USP25: variants seen among roughly 807,000 people sequenced by gnomAD.
USP25 encodes ubiquitin specific peptidase 25.
USP25 carries 85 observed loss-of-function variants against 158.5 expected under a neutral mutation model. The ratio of observed to expected loss-of-function variants is 0.54; its 90% CI spans 0.45 to 0.64. The LOEUF (loss-of-function observed/expected upper bound fraction) is 0.64. Among genes scored for constraint, USP25 ranks in the 30% least tolerant of loss-of-function variants. The pLI is 0.00. For missense variants in USP25, 1,242 were observed against 1,327.3 expected (o/e 0.94, Z 1.00); for synonymous variants, 464 against 460.4 (o/e 1.01, Z -0.10).
intron 18 of USP25, among the ~76,000 whole-genome samples, chr21:15,845,085 A>G (rs943118840): frequency 4.6e-5 from 7 of 152,076 alleles, no homozygotes; most frequent in Admixed American, 3.9e-4. Context: ...AACTTTTTTC[A>G]TATTTCAGGT....
chr21:15,761,796 C>T (rs2033743440), intron 1 of USP25, among the ~76,000 whole-genome samples: 1 of 152,132 alleles, frequency 6.6e-6, no homozygotes, highest in Non-Finnish European at 1.5e-5. Flanking sequence ...GCTTGGCCCC[C>T]TTCCAAGTGT....
intron 1 of USP25, among the ~76,000 whole-genome samples, chr21:15,740,887 C>T (rs1319636723): frequency 6.6e-6 from 1 of 151,770 alleles, no homozygotes; most frequent in Non-Finnish European, 1.5e-5. Context: ...CCCCCCACCC[C>T]CACACTACTG....
Position 15,791,580 on chromosome 21 carries a change from C to G in USP25, c.471C>G (p.Asn157Lys), listed in dbSNP as rs61760220. 1 of 1,611,650 alleles carries G rather than the reference C, an allele frequency of 6.2e-7. No individual in the cohort carries two copies. Among genetic ancestry groups the G allele is most frequent in the African/African-American group, 1.3e-5 (1 of 74,806 alleles). ...CAGAAGTTTGGAGGGATTCTCGAAACCCTTATGATAGAAAAAGACAGGACA... is the reference window on the plus strand; with the variant it reads ...CAGAAGTTTGGAGGGATTCTCGAAAGCCTTATGATAGAAAAAGACAGGACA... ...TPTEVWRDSR[N>K]PYDRKRQDKA... The change falls in exon 5 of 26, where the codon AAC (asparagine) becomes AAG (lysine). Residue 157 changes from asparagine (N) to lysine (K), a missense_variant. Coordinates refer to ENST00000400183, the MANE Select transcript of USP25 (RefSeq NM_001283041.3).
intron 1 of USP25, among the ~76,000 whole-genome samples, chr21:15,734,887 A>G (rs1053632672): frequency 9.9e-5 from 15 of 152,282 alleles, no homozygotes; most frequent in African/African-American, 2.6e-4. Flanking sequence ...AATATTTACT[A>G]TATAATCCGT....
chr21:15,732,424 A>G (rs1274276556), intron 1 of USP25, among the ~76,000 whole-genome samples: 2 of 152,244 alleles, frequency 1.3e-5, no homozygotes, highest in East Asian at 1.9e-4. Context: ...ATCTACCTCG[A>G]TAAGTTGACA....
intron 6 of USP25, 23 bp downstream of exon 6, chr21:15,799,866 A>T: frequency 6.4e-7 from 1 of 1,567,280 alleles, no homozygotes; most frequent in Non-Finnish European, 8.7e-7. Context: ...AGATTTTTTT[A>T]AGCAGTATAT....
chr21:15,730,529 G>GC, intron 1 of USP25, 91 bp downstream of exon 1: 1 of 1,268,164 alleles, frequency 7.9e-7, no homozygotes, highest in Non-Finnish European at 1.0e-6. Flanking sequence ...CCTCGCCGCC[G>GC]CCGCCTTCCC....
intron 21 of USP25, among the ~76,000 whole-genome samples, chr21:15,865,472 G>A (rs1028639733): frequency 1.3e-5 from 2 of 152,128 alleles, no homozygotes; most frequent in Non-Finnish European, 2.9e-5. Context: ...AAATAGTTGT[G>A]AACAATATCT....
intron 10 of USP25, among the ~76,000 whole-genome samples, chr21:15,819,811 T>C (rs900627108): frequency 6.6e-6 from 1 of 152,056 alleles, no homozygotes; most frequent in African/African-American, 2.4e-5. Context: ...TTCTTAAAGA[T>C]GCAGTTAACC....
At chr21:15,759,204 T>A (rs2123377195) in intron 1 of USP25, among the ~76,000 whole-genome samples, 1 of 152,350 alleles carries the variant, frequency 6.6e-6, no homozygotes, top group South Asian at 2.1e-4. Context: ...GTAAAACTTT[T>A]ATGCCTTTAA....
intron 4 of USP25, among the ~76,000 whole-genome samples, chr21:15,782,761 C>A (rs552591160): frequency 6.6e-6 from 1 of 152,160 alleles, no homozygotes; most frequent in African/African-American, 2.4e-5. Context: ...AAACCTCTTC[C>A]TATGAAAGCT....
intron 4 of USP25, among the ~76,000 whole-genome samples, chr21:15,786,994 A>G (rs1184099789): frequency 3.9e-5 from 6 of 152,130 alleles, no homozygotes; most frequent in African/African-American, 1.2e-4. Flanking sequence ...AAAAATAAGA[A>G]AACAATTTCA....
rs1470817333 is a variant in USP25, at chr21:15,735,974, GTGTGTGTA to G, written c.45+5544_45+5551del. ...AGTTTTGTCCTAAATCTGTGTGTGT[GTGTGTGTA>G]TGTGTGTGTGTGTGTGTGTGTATGT... On this transcript the variant is annotated intron_variant, in intron 1 of 25. Transcript: ENST00000400183. Among the ~76,000 whole-genome samples the G allele has an allele frequency of 2.9e-3, 420 of 146,780 alleles. 4 individuals are homozygous for G. The highest frequency in any genetic ancestry group is 0.012 in the Middle Eastern group (3 of 260).
chr21:15,750,681 A>G (rs1369010037), intron 1 of USP25, among the ~76,000 whole-genome samples: 2 of 151,080 alleles, frequency 1.3e-5, no homozygotes, highest in African/African-American at 4.9e-5. Context: ...ATCACGGCTC[A>G]CTGCAAGCTC....
chr21:15,809,408 A>G (rs1363485048), intron 8 of USP25, among the ~76,000 whole-genome samples: 1 of 152,130 alleles, frequency 6.6e-6, no homozygotes, highest in East Asian at 1.9e-4. Context: ...GCCTAACTTC[A>G]AAGTGAGTAG....
intron 10 of USP25, among the ~76,000 whole-genome samples, 175 bp from the exon 11 acceptor site, chr21:15,823,864 G>A (rs1482703157): frequency 1.3e-5 from 2 of 152,086 alleles, no homozygotes; most frequent in Non-Finnish European, 2.9e-5. Context: ...CAAGAGGTGT[G>A]GAAAACTTTT....
intron 16 of USP25, 94 bp downstream of exon 16, chr21:15,831,723 T>C (rs1356555687): frequency 9.7e-7 from 1 of 1,026,466 alleles, no homozygotes; most frequent in African/African-American, 1.6e-5. Context: ...ACTCAGACGA[T>C]GAAGGATGTG....
Position 15,808,896 on chromosome 21 carries a change from G to A in USP25, c.857+11G>A, listed in dbSNP as rs779745273. On this transcript the variant is annotated intron_variant, in intron 8 of 25. Coordinates refer to ENST00000400183, the MANE Select transcript of USP25 (RefSeq NM_001283041.3). ...AGCTGAAGAGGAGACGTAAGTTACCGTGAAGTTTAGCAATGGGGTTTTAGG... is the reference window on the plus strand; with the variant it reads ...AGCTGAAGAGGAGACGTAAGTTACCATGAAGTTTAGCAATGGGGTTTTAGG... The A allele has an allele frequency of 2.3e-5, 37 of 1,596,378 alleles. No homozygotes were observed. Among genetic ancestry groups the A allele is most frequent in the Middle Eastern group, 1.7e-4 (1 of 5,992 alleles).
intron 17 of USP25, among the ~76,000 whole-genome samples, chr21:15,837,346 T>G (rs2038103935): frequency 7.4e-6 from 1 of 134,566 alleles, no homozygotes; most frequent in African/African-American, 2.8e-5. Context: ...TCAGAGTGAG[T>G]AGGGGAGCAA....
Sources: gnomAD v4.1 joint callset for allele counts (sites outside exome capture counted in the v4.1 genomes callset) on GRCh38, gnomAD v4.1.1 for gene constraint, MANE v1.5 for transcripts, NCBI Gene and HGNC (gene_info 2026-07-23, HGNC 2026-07-21) for gene names.